Variants in THRB observed in about 807,000 individuals in gnomAD.
THRB encodes thyroid hormone receptor beta.
In THRB, 12 loss-of-function variants were observed where a neutral mutation model predicts 47.8. The observed-to-expected ratio is 0.25, with a 90% CI of 0.16 to 0.41. The LOEUF is 0.41. Ranked by LOEUF, THRB falls within the 10% of genes least tolerant of loss-of-function variation. The pLI, the probability that THRB is intolerant of heterozygous loss-of-function variation, is 1.00. For missense variants in THRB, 348 were observed against 589.2 expected (o/e 0.59, Z 4.24); for synonymous variants, 218 against 212.2 (o/e 1.03, Z -0.24).
intron 2 of THRB, among the ~76,000 whole-genome samples, chr3:24,311,090 G>T (rs994745658): frequency 2.0e-5 from 3 of 152,080 alleles, no homozygotes; most frequent in Non-Finnish European, 4.4e-5. Context: ...ACACCACACA[G>T]CCTAGACACT....
chr3:24,459,121 C>T (rs187692493), intron 1 of THRB: 1 of 152,084 alleles, frequency 6.6e-6, no homozygotes, highest in Non-Finnish European at 1.5e-5. Context: ...CCCCCACCCC[C>T]CAACAGGCCC....
chr3:24,127,450 A>G (rs1262295283), intron 10 of THRB, 49 bp downstream of exon 10: 4 of 1,608,594 alleles, frequency 2.5e-6, no homozygotes, highest in East Asian at 2.2e-5. Context: ...TTAGCGCTAG[A>G]CAAGCAAAAG....
At chr3:24,391,888 T>C (rs1208367255) in intron 1 of THRB, among the ~76,000 whole-genome samples, 2 of 152,166 alleles carry the variant, frequency 1.3e-5, no homozygotes, top group African/African-American at 2.4e-5. Flanking sequence ...ATGGGAATTA[T>C]TATGGTTCAC....
At chr3:24,460,987 G>T (rs1164590605) in intron 1 of THRB, among the ~76,000 whole-genome samples, 2 of 152,150 alleles carry the variant, frequency 1.3e-5, no homozygotes, top group Non-Finnish European at 2.9e-5. Flanking sequence ...AATTGTAGGG[G>T]TTTGCAGGCT....
chr3:24,375,302 T>C (rs2065186841), intron 1 of THRB, among the ~76,000 whole-genome samples: 1 of 147,566 alleles, frequency 6.8e-6, no homozygotes, highest in South Asian at 2.1e-4. Context: ...TTTAGAAATA[T>C]AATATTAATA....
At chr3:24,452,944 C>T (rs909371203) in intron 1 of THRB, among the ~76,000 whole-genome samples, 1 of 131,384 alleles carries the variant, frequency 7.6e-6, no homozygotes, top group Admixed American at 8.3e-5. Context: ...ATCTCTGGCC[C>T]AGGATGCTAC....
At chr3:24,194,555 T>C (rs920412130) in intron 4 of THRB, among the ~76,000 whole-genome samples, 7 of 152,210 alleles carry the variant, frequency 4.6e-5, no homozygotes, top group African/African-American at 1.4e-4. Flanking sequence ...GATAGGGACA[T>C]GTGAACTGCA....
In THRB at chr3:24,201,289, C is replaced by T. The variant is rs111344162; in HGVS notation, c.23-10955G>A. On this transcript the variant is annotated intron_variant, in intron 4 of 10. Transcript: ENST00000646209. Reference sequence around the variant, plus strand: ...CTGGCAGTGAGTTCCTGTAGGCCTGCTTGATCTCTACTGCTTGATCTCTAC... The same window carrying T: ...CTGGCAGTGAGTTCCTGTAGGCCTGTTTGATCTCTACTGCTTGATCTCTAC... Among the ~76,000 whole-genome samples the T allele has an allele frequency of 7.9e-3, 1,206 of 152,138 alleles. 16 individuals are homozygous for T. Among genetic ancestry groups the T allele is most frequent in the African/African-American group, 0.027 (1,116 of 41,498 alleles).
At chr3:24,397,351 C>A (rs9834269) in intron 1 of THRB, among the ~76,000 whole-genome samples, 6,379 of 152,134 alleles carry the variant, frequency 0.042, 405 homozygotes, top group African/African-American at 0.14. Flanking sequence ...TGTAACTTGG[C>A]CATATAGTTG....
chr3:24,302,830 T>C (rs2057045163), intron 2 of THRB, among the ~76,000 whole-genome samples: 3 of 152,220 alleles, frequency 2.0e-5, no homozygotes, highest in Admixed American at 2.0e-4. Flanking sequence ...TTTCTTTTGT[T>C]CACGACTGTA....
chr3:24,268,990 C>A (rs1156272292), intron 3 of THRB, among the ~76,000 whole-genome samples: 1 of 152,148 alleles, frequency 6.6e-6, no homozygotes, highest in Non-Finnish European at 1.5e-5. Context: ...GCCATACAGG[C>A]AACATGGCCC....
intron 2 of THRB, among the ~76,000 whole-genome samples, chr3:24,304,191 T>C (rs1049897048): frequency 3.9e-5 from 6 of 152,144 alleles, no homozygotes; most frequent in Admixed American, 2.0e-4. Context: ...TTCTACACAC[T>C]CAATCTAATA....
At chr3:24,470,279 G>A (rs1265841493) in intron 1 of THRB, among the ~76,000 whole-genome samples, 1 of 152,196 alleles carries the variant, frequency 6.6e-6, no homozygotes, top group African/African-American at 2.4e-5. Context: ...AAGGGACTGA[G>A]TCACAGAAAC....
At chr3:24,243,228 C>T (rs1227376682) in intron 3 of THRB, among the ~76,000 whole-genome samples, 1 of 152,076 alleles carries the variant, frequency 6.6e-6, no homozygotes, top group African/African-American at 2.4e-5. Context: ...AAAGTAGCCT[C>T]TGAAGTAGTA....
intron 3 of THRB, among the ~76,000 whole-genome samples, chr3:24,265,072 T>C (rs1006012582): frequency 6.6e-6 from 1 of 152,076 alleles, no homozygotes; most frequent in Non-Finnish European, 1.5e-5. Context: ...AACTGACCTT[T>C]GGATAAAAAA....
chr3:24,146,201 C>T (rs979306657), intron 7 of THRB, among the ~76,000 whole-genome samples: 5 of 152,184 alleles, frequency 3.3e-5, no homozygotes, highest in African/African-American at 4.8e-5. Context: ...TTTCTGCCAG[C>T]GCCCCATCTC....
intron 3 of THRB, among the ~76,000 whole-genome samples, chr3:24,278,602 C>G (rs993397559): frequency 6.6e-6 from 1 of 152,044 alleles, no homozygotes; most frequent in Non-Finnish European, 1.5e-5. Flanking sequence ...ATATCACAAC[C>G]CTCTATTTAA....
chr3:24,139,671 C>T (rs766467148), intron 8 of THRB, among the ~76,000 whole-genome samples: 2 of 152,168 alleles, frequency 1.3e-5, no homozygotes, highest in Admixed American at 1.3e-4. Context: ...CAGGCATGAG[C>T]CACTGTGGCC....
rs544151836 is a variant in THRB, at chr3:24,153,517, T to C, written c.284-1027A>G. On this transcript the variant is annotated intron_variant, in intron 5 of 10. Coordinates refer to ENST00000646209, the MANE Select transcript of THRB (RefSeq NM_001354712.2). ...TTAAGAAAAAAGGAAAATCCAACTA[T>C]GATAACTCTCTTTTTTAGTGGACAA... Among the ~76,000 whole-genome samples, 9 of 152,342 alleles carry C rather than the reference T, an allele frequency of 5.9e-5. No homozygotes were observed. The East Asian group carries it at 1.3e-3, about 23-fold the overall frequency.
Sources: allele counts gnomAD v4.1 joint callset (sites outside exome capture counted in the v4.1 genomes callset), GRCh38; gene constraint gnomAD v4.1.1; transcripts MANE v1.5; gene names NCBI Gene and HGNC (gene_info 2026-07-23, HGNC 2026-07-21).